The following SLC4A7 variants were observed in gnomAD, a reference collection of about 807,000 sequenced individuals.
The protein encoded by SLC4A7 is solute carrier family 4 member 7.
A neutral mutation model predicts 137.6 loss-of-function variants in SLC4A7; 51 were observed. The observed-to-expected ratio is 0.37, with a 90% CI of 0.30 to 0.47. The LOEUF (loss-of-function observed/expected upper bound fraction) is 0.47. Among genes scored for constraint, SLC4A7 ranks in the 20% least tolerant of loss-of-function variants. The pLI is 1.00. For synonymous variants in SLC4A7, 542 were observed against 518.6 expected (o/e 1.05, Z -0.61); for missense variants, 1,247 against 1,525.4 (o/e 0.82, Z 3.04).
chr3:27,401,036 GTTTGGGT>G, intron 15 of SLC4A7, 167 bp from the exon 16 acceptor site: 1 of 464,394 alleles, frequency 2.2e-6, no homozygotes, highest in South Asian at 4.1e-5. Context: ...ATGGAATAAA[GTTTGGGT>G]TATAGAAATA....
intron 3 of SLC4A7, among the ~76,000 whole-genome samples, chr3:27,441,433 A>C (rs1488058401): frequency 1.3e-5 from 2 of 152,166 alleles, no homozygotes; most frequent in Admixed American, 6.5e-5. Context: ...ATCTGAGAGT[A>C]AATTTTCATT....
chr3:27,484,260 G>T lies in SLC4A7; in HGVS notation c.-134C>A, dbSNP rs2059848125. The T allele has an allele frequency of 1.5e-6, 1 of 667,846 alleles. No homozygotes were observed. The highest frequency in any genetic ancestry group is 2.1e-6 in the Non-Finnish European group (1 of 480,838). 41.4% of individuals were successfully genotyped at this position (667,846 alleles called of 1,614,324 possible). A position where few individuals can be genotyped will look rare whatever the true frequency, so the allele number is the denominator to read the frequency against. ...ACGTGGGTGCGTCCGTGCGCGAGGTGTGCGCGCGTGGGGAGAGCCGGGCGC... is the reference window on the plus strand; with the variant it reads ...ACGTGGGTGCGTCCGTGCGCGAGGTTTGCGCGCGTGGGGAGAGCCGGGCGC... On this transcript the variant is annotated 5_prime_UTR_variant, in exon 1 of 26. Coordinates refer to ENST00000454389, the MANE Select transcript of SLC4A7 (RefSeq NM_001321103.2).
intron 1 of SLC4A7, among the ~76,000 whole-genome samples, chr3:27,454,535 T>C (rs1016164719): frequency 1.3e-5 from 2 of 152,190 alleles, no homozygotes; most frequent in African/African-American, 2.4e-5. Context: ...CAGCATTCAC[T>C]TCCTCAGTAA....
chr3:27,457,106 G>A (rs1205250738), intron 1 of SLC4A7: 4 of 185,638 alleles, frequency 2.2e-5, no homozygotes, highest in African/African-American at 9.5e-5. Flanking sequence ...AAAAAAAAAA[G>A]AGTAGCACCC....
chr3:27,388,913 T>C (rs530426724), intron 22 of SLC4A7, among the ~76,000 whole-genome samples: 2 of 121,178 alleles, frequency 1.7e-5, no homozygotes, highest in East Asian at 1.9e-4. Flanking sequence ...ACAGAAAAAG[T>C]TTATTGACCT....
intron 8 of SLC4A7, among the ~76,000 whole-genome samples, chr3:27,423,070 A>G (rs1257745659): frequency 6.6e-6 from 1 of 152,258 alleles, no homozygotes; most frequent in Non-Finnish European, 1.5e-5. Context: ...AGGATAGATC[A>G]GAAAAATTTA....
chr3:27,455,616 C>G (rs1329150577), intron 1 of SLC4A7, among the ~76,000 whole-genome samples: 1 of 149,004 alleles, frequency 6.7e-6, no homozygotes, highest in African/African-American at 2.5e-5. Context: ...TTCTGTCGCC[C>G]AGGCTGGAGT....
chr3:27,379,424 T>C, intron 24 of SLC4A7, 68 bp from the exon 25 acceptor site: 5 of 778,136 alleles, frequency 6.4e-6, no homozygotes, highest in Non-Finnish European at 1.1e-5. Flanking sequence ...GTCATTCTTA[T>C]TATCTGCTTT....
intron 5 of SLC4A7, among the ~76,000 whole-genome samples, 189 bp from the exon 6 acceptor site, chr3:27,434,293 T>A (rs902205842): frequency 1.4e-4 from 21 of 152,174 alleles, no homozygotes; most frequent in Non-Finnish European, 3.1e-4. Flanking sequence ...AAGACCGCCT[T>A]ATTTTAATAA....
rs145181454 is a variant in SLC4A7 at position 27,383,875 on chromosome 3, C to A, written c.3493-625G>T. Reference sequence around the variant, plus strand: ...CCACCCCAGTGATAATTACTAATAACCATCATGGTACTTCCTATACTCTTT... The same window carrying A: ...CCACCCCAGTGATAATTACTAATAAACATCATGGTACTTCCTATACTCTTT... On this transcript the variant is annotated intron_variant, in intron 23 of 25. Coordinates refer to ENST00000454389, the MANE Select transcript of SLC4A7 (RefSeq NM_001321103.2). 2.6e-5 allele frequency among the ~76,000 whole-genome samples: 4 copies of A among 152,212 alleles called. No homozygotes were observed. The East Asian group carries it at 7.7e-4, about 29-fold the overall frequency.
rs2150126194 is a variant in SLC4A7 at position 27,398,120 on chromosome 3, T to C, written c.2589+72A>G. The stretch of plus-strand genomic sequence containing the variant: ...TAACCTCAAAAAATATATTACTGTT[T>C]TGAAATAAACCAAGGAAATAAAAAC... On this transcript the variant is annotated intron_variant, in intron 17 of 25. Coordinates refer to ENST00000454389, the MANE Select transcript of SLC4A7 (RefSeq NM_001321103.2). The C allele has an allele frequency of 4.5e-6, 5 of 1,105,872 alleles. No homozygotes were observed. In the East Asian group the frequency reaches 9.6e-5, roughly 21 times the overall value. 68.5% of individuals were successfully genotyped at this position (1,105,872 alleles called of 1,614,324 possible). A position where few individuals can be genotyped will look rare whatever the true frequency, so the allele number is the denominator to read the frequency against.
intron 20 of SLC4A7, among the ~76,000 whole-genome samples, chr3:27,393,907 A>G (rs1364933396): frequency 2.0e-5 from 3 of 152,194 alleles, no homozygotes; most frequent in African/African-American, 7.2e-5. Context: ...AGCAGCTCTC[A>G]AACTCTGTGG....
intron 14 of SLC4A7, among the ~76,000 whole-genome samples, chr3:27,404,026 C>CATCAAG (rs2053073965): frequency 6.6e-6 from 1 of 152,196 alleles, no homozygotes; most frequent in South Asian, 2.1e-4. Flanking sequence ...TATGTAATAG[C>CATCAAG]ATCAAGTTGT....
At chr3:27,392,905 A>G (rs1238552082) in intron 20 of SLC4A7, among the ~76,000 whole-genome samples, 1 of 152,176 alleles carries the variant, frequency 6.6e-6, no homozygotes, top group Admixed American at 6.5e-5. Flanking sequence ...TATAAATATC[A>G]AAATAACTAA....
chr3:27,460,664 C>A (rs1321179011), intron 1 of SLC4A7, among the ~76,000 whole-genome samples: 1 of 152,178 alleles, frequency 6.6e-6, no homozygotes, highest in Admixed American at 6.5e-5. Context: ...TTCTCATTTT[C>A]ATTTAAGAAG....
At chr3:27,428,751 C>T (rs1270443438) in intron 7 of SLC4A7, among the ~76,000 whole-genome samples, 1 of 152,044 alleles carries the variant, frequency 6.6e-6, no homozygotes, top group Non-Finnish European at 1.5e-5. Context: ...ACCAAGCTAC[C>T]CACTGAAGTG....
chr3:27,412,579 C>A (rs1408935066), intron 11 of SLC4A7, among the ~76,000 whole-genome samples: 1 of 152,036 alleles, frequency 6.6e-6, no homozygotes, highest in East Asian at 1.9e-4. Flanking sequence ...CATTTGAAAA[C>A]GTCAAAATCT....
chr3:27,431,196 C>A, intron 7 of SLC4A7, 102 bp downstream of exon 7: 1 of 1,155,808 alleles, frequency 8.7e-7, no homozygotes. Flanking sequence ...AAATTATAAG[C>A]ATTATCTACA....
At chr3:27,394,417 T>C in intron 20 of SLC4A7, 101 bp downstream of exon 20, 1 of 1,082,648 alleles carries the variant, frequency 9.2e-7, no homozygotes, top group Non-Finnish European at 1.3e-6. Flanking sequence ...AAAACAAACC[T>C]AATTTTAGGT....
Sources: allele counts gnomAD v4.1 joint callset (sites outside exome capture counted in the v4.1 genomes callset), GRCh38; gene constraint gnomAD v4.1.1; transcripts MANE v1.5; gene names NCBI Gene and HGNC (gene_info 2026-07-23, HGNC 2026-07-21).